Variants in TBC1D19 observed in about 807,000 individuals in gnomAD.
TBC1D19 encodes the protein TBC1 domain family, member 19.
TBC1D19 carries 60 observed loss-of-function variants against 89.0 expected under a neutral mutation model. The observed-to-expected ratio is 0.67, with a 90% CI of 0.55 to 0.84. The LOEUF (loss-of-function observed/expected upper bound fraction) is 0.84. Among genes scored for constraint, TBC1D19 ranks in the 40% least tolerant of loss-of-function variants. TBC1D19 has a pLI of 0.00. For synonymous variants in TBC1D19, 189 were observed against 199.7 expected (o/e 0.95, Z 0.45); for missense variants, 500 against 610.8 (o/e 0.82, Z 1.91).
chr4:26,699,006 G>T (rs1258395650), intron 13 of TBC1D19, among the ~76,000 whole-genome samples: 1 of 152,196 alleles, frequency 6.6e-6, no homozygotes, highest in African/African-American at 2.4e-5. Flanking sequence ...AGCCAAAATT[G>T]ACAAATGTTA....
chr4:26,698,142 C>T (rs1714976966), intron 13 of TBC1D19, among the ~76,000 whole-genome samples: 1 of 152,152 alleles, frequency 6.6e-6, no homozygotes, highest in African/African-American at 2.4e-5. Context: ...TCTCCTTAAG[C>T]TGATAAGCAA....
intron 9 of TBC1D19, among the ~76,000 whole-genome samples, chr4:26,671,309 G>A (rs2109104945): frequency 6.6e-6 from 1 of 151,824 alleles, no homozygotes; most frequent in South Asian, 2.1e-4. Context: ...CTTTTCATAT[G>A]TTTATTGGTC....
chr4:26,808,727 CAAAAAAAAAAA>C, the TBC1D19 span, among the ~76,000 whole-genome samples: 8 of 95,112 alleles, frequency 8.4e-5, no homozygotes, highest in Non-Finnish European at 1.4e-4. Context: ...GACTCTGTCT[CAAAAAAAAAAA>C]AAAAAAAAGA....
chr4:26,679,039 G>C (rs1713097375), intron 11 of TBC1D19, among the ~76,000 whole-genome samples: 1 of 152,184 alleles, frequency 6.6e-6, no homozygotes, highest in African/African-American at 2.4e-5. Flanking sequence ...TTTGCAGCCT[G>C]ACAATGTGGT....
At position 26,754,893 on chromosome 4, in the gene TBC1D19, T is replaced by C; in HGVS notation, c.1527T>C (p.Ser509=). 6.2e-7 allele frequency: 1 copy of C among 1,603,886 alleles called. No homozygotes were observed. Among genetic ancestry groups the C allele is most frequent in the Non-Finnish European group, 8.5e-7 (1 of 1,177,026 alleles). The change falls in exon 21 of 21, where the codon TCT becomes TCC. Residue 509 remains serine, a synonymous_variant. Transcript: ENST00000264866. The stretch of plus-strand genomic sequence containing the variant: ...TTCAGGCAGTTCTTGCTGACCTTTC[T>C]ACTTTAAAAGTTATGCCTCTTCTTC... ...AAAEAVLADL[S]TLKVMPLLQI...
At chr4:26,780,019 G>T in the TBC1D19 span, among the ~76,000 whole-genome samples, 2 of 152,156 alleles carry the variant, frequency 1.3e-5, no homozygotes, top group Non-Finnish European at 2.9e-5. Context: ...CAGGGCTAAG[G>T]AATCCTCAAC....
the TBC1D19 span, among the ~76,000 whole-genome samples, chr4:26,831,002 G>C: frequency 7.2e-5 from 11 of 152,182 alleles, no homozygotes. Flanking sequence ...AAGCTTAAGA[G>C]TGATTGCTTT....
At chr4:26,783,453 G>A in the TBC1D19 span, among the ~76,000 whole-genome samples, 1 of 152,278 alleles carries the variant, frequency 6.6e-6, no homozygotes, top group South Asian at 2.1e-4. Flanking sequence ...AGGGAAAAAT[G>A]TTTGGTTTCA....
chr4:26,804,239 C>T, the TBC1D19 span, among the ~76,000 whole-genome samples: 2 of 152,178 alleles, frequency 1.3e-5, no homozygotes, highest in South Asian at 2.1e-4. Context: ...TCTGCCTCCC[C>T]GGTTCTAGCT....
At chr4:26,703,355 T>A (rs962240658) in intron 13 of TBC1D19, among the ~76,000 whole-genome samples, 1 of 152,160 alleles carries the variant, frequency 6.6e-6, no homozygotes, top group Non-Finnish European at 1.5e-5. Flanking sequence ...AGAAATTGAG[T>A]TCTGTTTTTT....
At chr4:26,588,870 A>G (rs554191363) in intron 1 of TBC1D19, among the ~76,000 whole-genome samples, 3 of 152,334 alleles carry the variant, frequency 2.0e-5, no homozygotes, top group East Asian at 3.9e-4. Flanking sequence ...ATAATTGTCA[A>G]TTAGGTCTAG....
downstream of TBC1D19, among the ~76,000 whole-genome samples, chr4:26,759,786 G>A (rs182365477): frequency 2.6e-4 from 39 of 152,320 alleles, no homozygotes; most frequent in African/African-American, 8.9e-4. Context: ...TTATGTGATA[G>A]TAGTTCATTC....
At chr4:26,821,573 C>G in the TBC1D19 span, among the ~76,000 whole-genome samples, 1 of 152,216 alleles carries the variant, frequency 6.6e-6, no homozygotes, top group Non-Finnish European at 1.5e-5. Context: ...TGAAATCTCA[C>G]AGGACCTAGA....
intron 15 of TBC1D19, among the ~76,000 whole-genome samples, chr4:26,728,914 C>G (rs1717486387): frequency 1.3e-5 from 2 of 152,142 alleles, no homozygotes. Flanking sequence ...ACTCAGAAGG[C>G]TGAGGCAGGA....
chr4:26,638,940 T>C, intron 6 of TBC1D19, 106 bp downstream of exon 6: 1 of 917,618 alleles, frequency 1.1e-6, no homozygotes, highest in Middle Eastern at 2.4e-4. Flanking sequence ...GATTGCAATT[T>C]TCCTTCTCAT....
At chr4:26,642,462 C>T (rs1292094646) in intron 7 of TBC1D19, among the ~76,000 whole-genome samples, 2 of 152,182 alleles carry the variant, frequency 1.3e-5, no homozygotes, top group Non-Finnish European at 2.9e-5. Flanking sequence ...CTGGTACCAG[C>T]CACTGCAAAA....
chr4:26,611,565 C>T (rs1360578411), intron 1 of TBC1D19, among the ~76,000 whole-genome samples: 2 of 152,130 alleles, frequency 1.3e-5, no homozygotes, highest in East Asian at 1.9e-4. Context: ...TTGAAAACCA[C>T]ATAATGTCTG....
At chr4:26,756,499 C>A (rs1444313301), downstream of TBC1D19, among the ~76,000 whole-genome samples, 1 of 152,070 alleles carries the variant, frequency 6.6e-6, no homozygotes, top group Non-Finnish European at 1.5e-5. Context: ...GAATTTTGGT[C>A]CTCCTGTAAA....
intron 1 of TBC1D19, among the ~76,000 whole-genome samples, chr4:26,596,576 C>T (rs1051143923): frequency 6.9e-6 from 1 of 145,956 alleles, no homozygotes; most frequent in Non-Finnish European, 1.5e-5. Context: ...TACTAATTTT[C>T]TCTTAATTTC....
Sources: gnomAD v4.1 joint callset for allele counts (sites outside exome capture counted in the v4.1 genomes callset) on GRCh38, gnomAD v4.1.1 for gene constraint, MANE v1.5 for transcripts, NCBI Gene and HGNC (gene_info 2026-07-23, HGNC 2026-07-21) for gene names.